Variants in CHST8 observed in about 807,000 individuals in gnomAD.
CHST8 encodes GALNAC-4-ST1.
CHST8 carries 10 observed loss-of-function variants against 15.0 expected under a neutral mutation model. The ratio of observed to expected loss-of-function variants is 0.67; its 90% CI spans 0.41 to 1.13. The LOEUF is 1.13. CHST8 is among the 50% of genes most tolerant of loss of function. CHST8 has a pLI of 0.00. For synonymous variants in CHST8, 259 were observed against 256.6 expected, an observed-to-expected ratio of 1.01 and a Z score of -0.09; for missense variants, 634 against 608.2, an observed-to-expected ratio of 1.04 and a Z score of -0.45.
rs555502735 is a variant in CHST8 at position 33,653,445 on chromosome 19, T to C, written c.-163-14322T>C. ...CTTCACTGAGTTAACTGTAGGTGTA[T>C]AGTTTTATTTTTCCTACTTGGAAGT... On this transcript the variant is annotated intron_variant, in intron 1 of 4. Coordinates refer to ENST00000650847, the MANE Select transcript of CHST8 (RefSeq NM_001127895.2). 2.0e-5 allele frequency among the ~76,000 whole-genome samples: 3 copies of C among 152,330 alleles called. No individual in the cohort carries two copies. The South Asian group carries it at 6.2e-4, about 32-fold the overall frequency.
chr19:33,735,467 T>C (rs1353687889), intron 3 of CHST8, among the ~76,000 whole-genome samples: 1 of 152,148 alleles, frequency 6.6e-6, no homozygotes, highest in African/African-American at 2.4e-5. Flanking sequence ...CAGAGGGTCT[T>C]AGGTTCTGAC....
At chr19:33,748,195 C>T (rs1974349364) in intron 3 of CHST8, among the ~76,000 whole-genome samples, 1 of 152,230 alleles carries the variant, frequency 6.6e-6, no homozygotes, top group African/African-American at 2.4e-5. Context: ...ATGCCCCAGG[C>T]ACTCGCCAGG....
At chr19:33,766,036 C>G (rs1974834391) in intron 3 of CHST8, among the ~76,000 whole-genome samples, 1 of 152,068 alleles carries the variant, frequency 6.6e-6, no homozygotes, top group Non-Finnish European at 1.5e-5. Context: ...GCTGCGGCAC[C>G]AGGTCTTCCC....
chr19:33,734,310 T>C (rs112555362), intron 3 of CHST8, among the ~76,000 whole-genome samples: 8,486 of 152,234 alleles, frequency 0.056, 813 homozygotes, highest in African/African-American at 0.19. Flanking sequence ...CCACCTCTTG[T>C]TTAGCATATC....
chr19:33,650,652 C>T (rs1484110539), intron 1 of CHST8, among the ~76,000 whole-genome samples: 2 of 150,188 alleles, frequency 1.3e-5, no homozygotes, highest in African/African-American at 2.4e-5. Flanking sequence ...GTGCCTCAGC[C>T]TCCCAAGTAG....
At chr19:33,761,567 G>T (rs966568948) in intron 3 of CHST8, among the ~76,000 whole-genome samples, 10 of 151,972 alleles carry the variant, frequency 6.6e-5, no homozygotes, top group African/African-American at 9.7e-5. Flanking sequence ...CTGACCTCAG[G>T]TGATACACCC....
chr19:33,682,184 G>GTTT lies in CHST8; in HGVS notation c.-86-6990_-86-6989insTTT, dbSNP rs1568325315. ...GTGTGTGTGTGTTGTGGTTTTTGTT[G>GTTT]TTGTTTTTTTTTTTTTTTTTTTTTT... On this transcript the variant is annotated intron_variant, in intron 2 of 4. Coordinates refer to ENST00000650847, the MANE Select transcript of CHST8 (RefSeq NM_001127895.2). 9.3e-4 allele frequency among the ~76,000 whole-genome samples: 113 copies of GTTT among 121,876 alleles called. 2 individuals carry two copies. The highest frequency in any genetic ancestry group is 2.6e-3 in the African/African-American group (76 of 29,780). The allele number at this position is 121,876 out of a possible 152,430, so 80.0% of individuals were successfully genotyped here. A position where few individuals can be genotyped will look rare whatever the true frequency, so the allele number is the denominator to read the frequency against.
chr19:33,677,188 G>C (rs1460697106), intron 2 of CHST8, among the ~76,000 whole-genome samples: 1 of 152,142 alleles, frequency 6.6e-6, no homozygotes, highest in Non-Finnish European at 1.5e-5. Flanking sequence ...TGAGTGTGGG[G>C]TCTGTGTGGA....
At chr19:33,660,129 C>T (rs1279609351) in intron 1 of CHST8, among the ~76,000 whole-genome samples, 2 of 152,206 alleles carry the variant, frequency 1.3e-5, no homozygotes, top group South Asian at 2.1e-4. Context: ...ATACGGGCCC[C>T]ACCCCTCACC....
rs140306796 is a variant in CHST8, at chr19:33,623,160, G to A, written c.-164+864G>A. Among the ~76,000 whole-genome samples, 273 of 152,144 alleles carry A rather than the reference G, an allele frequency of 1.8e-3. 1 individual carries two copies. The highest frequency in any genetic ancestry group is 0.01 in the Middle Eastern group (3 of 292). ...GGACTCCCGCCGCCCTAACTTTCGC[G>A]TACATCTTGTCTCCAGGCCCGCGAC... is the stretch of plus-strand genomic sequence containing the variant. On this transcript the variant is annotated intron_variant, in intron 1 of 4. Transcript: ENST00000650847.
At chr19:33,710,166 T>C (rs759338262) in intron 3 of CHST8, among the ~76,000 whole-genome samples, 1 of 152,224 alleles carries the variant, frequency 6.6e-6, no homozygotes, top group Non-Finnish European at 1.5e-5. Flanking sequence ...TATTCTCTTA[T>C]AATCACTAGT....
intron 2 of CHST8, among the ~76,000 whole-genome samples, chr19:33,686,738 A>C (rs147099507): frequency 6.6e-6 from 1 of 152,136 alleles, no homozygotes; most frequent in Admixed American, 6.5e-5. Context: ...CAGGAAGCGC[A>C]CCCACACCGT....
At chr19:33,707,675 TG>T (rs1973473465) in intron 3 of CHST8, among the ~76,000 whole-genome samples, 1 of 152,238 alleles carries the variant, frequency 6.6e-6, no homozygotes, top group Non-Finnish European at 1.5e-5. Flanking sequence ...GATACGGGAT[TG>T]TTGATACTTT....
intron 1 of CHST8, among the ~76,000 whole-genome samples, chr19:33,629,227 C>A (rs979817758): frequency 3.3e-5 from 5 of 152,338 alleles, no homozygotes; most frequent in African/African-American, 1.2e-4. Flanking sequence ...CCCTCCGGAG[C>A]TGAGTGCTGC....
chr19:33,651,019 A>C (rs904990914), intron 1 of CHST8, among the ~76,000 whole-genome samples: 4 of 152,164 alleles, frequency 2.6e-5, no homozygotes, highest in African/African-American at 9.7e-5. Context: ...CATATTAAAT[A>C]TATGATTTGC....
chr19:33,696,360 A>G (rs1352001151), intron 3 of CHST8, among the ~76,000 whole-genome samples: 1 of 151,974 alleles, frequency 6.6e-6, no homozygotes, highest in Non-Finnish European at 1.5e-5. Context: ...CCGCACAGTA[A>G]GAGGTGAGTG....
intron 3 of CHST8, among the ~76,000 whole-genome samples, chr19:33,765,610 AGAGTGTAGTGG>A (rs1974823879): frequency 1.3e-5 from 2 of 151,246 alleles, no homozygotes; most frequent in Non-Finnish European, 2.9e-5. Flanking sequence ...TTGCCAGGTT[AGAGTGTAGTGG>A]CGCGATCTCC....
At chr19:33,746,338 T>C (rs1479181769) in intron 3 of CHST8, among the ~76,000 whole-genome samples, 1 of 152,192 alleles carries the variant, frequency 6.6e-6, no homozygotes, top group African/African-American at 2.4e-5. Flanking sequence ...TCCCTCGTGT[T>C]CCTGCTCACT....
At chr19:33,685,735 C>T (rs1972966743) in intron 2 of CHST8, among the ~76,000 whole-genome samples, 1 of 152,190 alleles carries the variant, frequency 6.6e-6, no homozygotes. Flanking sequence ...CCCCAGGCAG[C>T]AGCTGGACTC....
Sources: allele counts gnomAD v4.1 joint callset (sites outside exome capture counted in the v4.1 genomes callset), GRCh38; gene constraint gnomAD v4.1.1; transcripts MANE v1.5; gene names NCBI Gene and HGNC (gene_info 2026-07-23, HGNC 2026-07-21).